The following KCNU1 variants were observed in gnomAD, a reference collection of about 807,000 sequenced individuals.
The protein encoded by KCNU1 is potassium calcium-activated channel subfamily U member 1, also known as potassium channel subfamily U member 1.
In KCNU1, 93 loss-of-function variants were observed where a neutral mutation model predicts 126.8. The ratio of observed to expected loss-of-function variants is 0.73; its 90% CI spans 0.62 to 0.87. The LOEUF is 0.87. Ranked by LOEUF, KCNU1 falls within the 40% of genes least tolerant of loss-of-function variation. KCNU1 has a pLI of 0.00. For missense variants in KCNU1, 1,330 were observed against 1,367.1 expected (o/e 0.97, Z 0.43); for synonymous variants, 523 against 494.2 (o/e 1.06, Z -0.77).
intron 2 of KCNU1, among the ~76,000 whole-genome samples, chr8:36,787,854 G>C (rs1802768492): frequency 8.1e-6 from 1 of 123,944 alleles, no homozygotes; most frequent in African/African-American, 3.5e-5. Context: ...AATATATATT[G>C]ACTAATTATA....
At chr8:36,879,209 G>GTATATATA (rs1429299814) in intron 19 of KCNU1, among the ~76,000 whole-genome samples, 4,234 of 85,918 alleles carry the variant, frequency 0.049, 87 homozygotes, top group Non-Finnish European at 0.059. Context: ...GTGTGTGTGT[G>GTATATATA]TGTATATATA....
At chr8:36,812,488 T>C (rs1585403867) in intron 7 of KCNU1, among the ~76,000 whole-genome samples, 1 of 150,340 alleles carries the variant, frequency 6.7e-6, no homozygotes, top group African/African-American at 2.5e-5. Context: ...GATGCACAAA[T>C]AAAAGTAATA....
intron 22 of KCNU1, among the ~76,000 whole-genome samples, chr8:36,915,795 C>T (rs1808076261): frequency 6.6e-6 from 1 of 152,156 alleles, no homozygotes; most frequent in South Asian, 2.1e-4. Context: ...AATGACTATC[C>T]TCTAAAGTTT....
At chr8:36,919,628 T>C (rs1034603454) in intron 23 of KCNU1, among the ~76,000 whole-genome samples, 1 of 152,046 alleles carries the variant, frequency 6.6e-6, no homozygotes, top group African/African-American at 2.4e-5. Flanking sequence ...TATTCAACTA[T>C]ACTGAGTATA....
chr8:36,899,115 C>T (rs552153833), intron 19 of KCNU1, among the ~76,000 whole-genome samples: 2 of 152,108 alleles, frequency 1.3e-5, no homozygotes, highest in Non-Finnish European at 2.9e-5. Context: ...ATAGAAAAAG[C>T]GCTGCAGAAA....
chr8:36,899,879 C>T (rs1308510159), intron 19 of KCNU1, among the ~76,000 whole-genome samples: 1 of 152,122 alleles, frequency 6.6e-6, no homozygotes, highest in Admixed American at 6.6e-5. Context: ...ACAAGTATCG[C>T]CATTTGGGCA....
intron 19 of KCNU1, among the ~76,000 whole-genome samples, chr8:36,896,069 T>G (rs1807176444): frequency 6.6e-6 from 1 of 151,786 alleles, no homozygotes; most frequent in Admixed American, 6.6e-5. Context: ...TTATAGAGAA[T>G]ATTAACTATG....
chr8:36,867,435 A>C (rs1805951223), intron 19 of KCNU1, among the ~76,000 whole-genome samples: 2 of 152,192 alleles, frequency 1.3e-5, no homozygotes, highest in African/African-American at 2.4e-5. Context: ...TCAAGAACAC[A>C]GTCTTGGATT....
chr8:36,926,825 C>T (rs139903846), intron 24 of KCNU1, among the ~76,000 whole-genome samples: 437 of 152,224 alleles, frequency 2.9e-3, no homozygotes, highest in Admixed American at 4.8e-3. Context: ...AGACTCTAAA[C>T]GTTGGGTTCC....
intron 19 of KCNU1, among the ~76,000 whole-genome samples, chr8:36,887,442 GT>G (rs71278791): frequency 4.6e-4 from 57 of 124,976 alleles, no homozygotes; most frequent in African/African-American, 1.6e-3. Context: ...TTGGCCATTT[GT>G]TTTTTTTTGT....
intron 18 of KCNU1, among the ~76,000 whole-genome samples, chr8:36,863,452 C>T (rs938357308): frequency 6.6e-6 from 1 of 152,174 alleles, no homozygotes; most frequent in Non-Finnish European, 1.5e-5. Flanking sequence ...TTAGGAACTT[C>T]TGCTCAGACA....
In KCNU1 at chr8:36,844,392, A is replaced by AC. The variant is rs546410574; in HGVS notation, c.1704-1188_1704-1187insC. On this transcript the variant is annotated intron_variant, in intron 16 of 26. Coordinates refer to ENST00000399881, the MANE Select transcript of KCNU1 (RefSeq NM_001031836.3). ...TGAAACTCCGTCTCAAAAAAAAACAAAAAAAAAAGGCTATGTAAGACACAA... is the reference window on the plus strand; with the variant it reads ...TGAAACTCCGTCTCAAAAAAAAACAACAAAAAAAAGGCTATGTAAGACACAA... 4.6e-3 allele frequency among the ~76,000 whole-genome samples: 647 copies of AC among 141,876 alleles called. 6 individuals carry two copies. The highest frequency in any genetic ancestry group is 0.015 in the African/African-American group (609 of 39,902). The allele number at this position is 141,876 out of a possible 152,430, so 93.1% of individuals were successfully genotyped here.
chr8:36,909,555 A>G lies in KCNU1; in HGVS notation c.2331+20A>G. ...CTGCCTGTAAGTATCATATAAGGAAAAGTTAATATTTATAAGGATTTCAAT... is the reference window on the plus strand; with the variant it reads ...CTGCCTGTAAGTATCATATAAGGAAGAGTTAATATTTATAAGGATTTCAAT... On this transcript the variant is annotated intron_variant, in intron 21 of 26. Transcript: ENST00000399881. 7.4e-7 allele frequency: 1 copy of G among 1,358,594 alleles called. No homozygotes were observed. 84.2% of individuals were successfully genotyped at this position (1,358,594 alleles called of 1,614,324 possible). A position where few individuals can be genotyped will look rare whatever the true frequency, so the allele number is the denominator to read the frequency against.
rs189972558 is a variant in KCNU1 at position 36,907,455 on chromosome 8, C to T, written c.2106+1651C>T. ...ACTTTAGACATGTTACATTAAATAC[C>T]GTTAGAGGCTTCATTATTCAAGTTA... is the stretch of plus-strand genomic sequence containing the variant. On this transcript the variant is annotated intron_variant, in intron 20 of 26. Transcript: ENST00000399881. Among the ~76,000 whole-genome samples, 4 of 152,164 alleles carry T rather than the reference C, an allele frequency of 2.6e-5. 1 individual carries two copies. Among genetic ancestry groups the T allele is most frequent in the Admixed American group, 2.0e-4 (3 of 15,284 alleles).
intron 19 of KCNU1, among the ~76,000 whole-genome samples, chr8:36,867,324 A>G (rs537682848): frequency 6.6e-6 from 1 of 152,086 alleles, no homozygotes; most frequent in Non-Finnish European, 1.5e-5. Context: ...TGTAACATGG[A>G]TAAAGCCTGG....
chr8:36,866,476 G>A (rs1005351135), intron 19 of KCNU1, among the ~76,000 whole-genome samples: 1 of 152,124 alleles, frequency 6.6e-6, no homozygotes, highest in African/African-American at 2.4e-5. Context: ...ATTTTATAAA[G>A]TGGATGAGAT....
chr8:36,846,621 G>C (rs1455682176), intron 18 of KCNU1, among the ~76,000 whole-genome samples: 1 of 152,072 alleles, frequency 6.6e-6, no homozygotes, highest in Non-Finnish European at 1.5e-5. Context: ...GGCCAAGATG[G>C]TGAAACCTCG....
intron 23 of KCNU1, 93 bp from the exon 24 acceptor site, chr8:36,922,397 G>T: frequency 7.5e-7 from 1 of 1,325,908 alleles, no homozygotes; most frequent in South Asian, 1.5e-5. Flanking sequence ...CAGATCTTTT[G>T]ATCAAGTGGT....
chr8:36,923,995 G>C (rs1234667223), intron 24 of KCNU1, among the ~76,000 whole-genome samples: 2 of 152,238 alleles, frequency 1.3e-5, no homozygotes, highest in Non-Finnish European at 2.9e-5. Context: ...GGAGGCTTTA[G>C]AGTAAGGAGC....
Sources: gnomAD v4.1 joint callset for allele counts (sites outside exome capture counted in the v4.1 genomes callset) on GRCh38, gnomAD v4.1.1 for gene constraint, MANE v1.5 for transcripts, NCBI Gene and HGNC (gene_info 2026-07-23, HGNC 2026-07-21) for gene names.